GRIA4: variants seen among roughly 807,000 people sequenced by gnomAD.
GRIA4 encodes glutamate receptor 4.
In GRIA4, 34 loss-of-function variants were observed where a neutral mutation model predicts 104.0. The observed-to-expected ratio is 0.33, with a 90% CI of 0.25 to 0.44. GRIA4 has a LOEUF of 0.44. Ranked by LOEUF, GRIA4 falls within the 20% of genes least tolerant of loss-of-function variation. The pLI, the probability that GRIA4 is intolerant of heterozygous loss-of-function variation, is 1.00. For missense variants in GRIA4, 750 were observed against 1,096.5 expected, an observed-to-expected ratio of 0.68 and a Z score of 4.46; for synonymous variants, 386 against 381.9, an observed-to-expected ratio of 1.01 and a Z score of -0.13.
intron 3 of GRIA4, among the ~76,000 whole-genome samples, chr11:105,726,425 C>T (rs1219616915): frequency 2.0e-5 from 3 of 152,120 alleles, no homozygotes; most frequent in East Asian, 3.9e-4. Context: ...TCATCTCCTT[C>T]GCACAGGGCA....
At chr11:105,618,882 G>A (rs972372391) in intron 3 of GRIA4, among the ~76,000 whole-genome samples, 1 of 151,654 alleles carries the variant, frequency 6.6e-6, no homozygotes, top group African/African-American at 2.4e-5. Flanking sequence ...CTGAGGAGAA[G>A]GGGTCACAGA....
At chr11:105,752,768 C>T (rs552483702) in intron 3 of GRIA4, among the ~76,000 whole-genome samples, 38 of 152,266 alleles carry the variant, frequency 2.5e-4, no homozygotes, top group African/African-American at 8.9e-4. Context: ...TTCAGACCAG[C>T]TTCACTCAAT....
At chr11:105,916,689 A>C (rs1947415736) in intron 10 of GRIA4, among the ~76,000 whole-genome samples, 1 of 152,214 alleles carries the variant, frequency 6.6e-6, no homozygotes, top group Non-Finnish European at 1.5e-5. Context: ...AATACTAGCT[A>C]GAGAAACTTG....
chr11:105,794,956 C>A (rs751702161), intron 4 of GRIA4, among the ~76,000 whole-genome samples: 1 of 151,904 alleles, frequency 6.6e-6, no homozygotes, highest in Non-Finnish European at 1.5e-5. Context: ...CTGAGAAGAC[C>A]ATTTTTACTC....
intron 3 of GRIA4, among the ~76,000 whole-genome samples, chr11:105,658,379 C>A (rs923523256): frequency 6.6e-6 from 1 of 151,584 alleles, no homozygotes; most frequent in East Asian, 1.9e-4. Flanking sequence ...TTCAGAATAA[C>A]AGGAACTGAT....
At chr11:105,695,516 G>T (rs61900312) in intron 3 of GRIA4, among the ~76,000 whole-genome samples, 1 of 151,124 alleles carries the variant, frequency 6.6e-6, no homozygotes, top group African/African-American at 2.4e-5. Flanking sequence ...GTGTGTGTGC[G>T]TGCGCGTTTG....
chr11:105,655,325 T>C (rs1951810334), intron 3 of GRIA4, among the ~76,000 whole-genome samples: 1 of 152,132 alleles, frequency 6.6e-6, no homozygotes, highest in Non-Finnish European at 1.5e-5. Context: ...CCTTTTTGTA[T>C]AGTAAGGGAT....
At chr11:105,913,378 C>T in intron 10 of GRIA4, 1 of 484,132 alleles carries the variant, frequency 2.1e-6, no homozygotes, top group Non-Finnish European at 2.7e-6. Flanking sequence ...ATTTATTCTA[C>T]CTGAATATAA....
chr11:105,926,706 GA>G (rs1947718320), intron 12 of GRIA4, 34 bp from the exon 13 acceptor site: 2 of 1,339,520 alleles, frequency 1.5e-6, no homozygotes, highest in Non-Finnish European at 2.1e-6. Context: ...GTTGGTTAAA[GA>G]AAGGAAAATG....
chr11:105,924,899 C>T (rs1252749845), intron 12 of GRIA4, 130 bp downstream of exon 12: 2 of 653,346 alleles, frequency 3.1e-6, no homozygotes, highest in East Asian at 5.3e-5. Context: ...ACTTGCAATT[C>T]CCAAATAGCA....
At chr11:105,773,020 A>G (rs1941283835) in intron 4 of GRIA4, among the ~76,000 whole-genome samples, 1 of 152,202 alleles carries the variant, frequency 6.6e-6, no homozygotes, top group Non-Finnish European at 1.5e-5. Flanking sequence ...AGATGAGGAG[A>G]GAAATGAATA....
In GRIA4 at chr11:105,909,637, T is replaced by C. The variant is rs1171650246; in HGVS notation, c.1159-798T>C. ...ATACTTTTAAAAAGCATTGAGTACA[T>C]TGTCTGCCTCAGAGCAAGCACTCAA... On this transcript the variant is annotated intron_variant, in intron 9 of 16. Transcript: ENST00000282499. Among the ~76,000 whole-genome samples the C allele has an allele frequency of 6.6e-5, 10 of 152,164 alleles. No individual in the cohort carries two copies. In the South Asian group the frequency reaches 1.0e-3, roughly 16 times the overall value.
chr11:105,832,665 T>G (rs1245067810), intron 4 of GRIA4, among the ~76,000 whole-genome samples: 2 of 151,950 alleles, frequency 1.3e-5, no homozygotes, highest in Non-Finnish European at 2.9e-5. Flanking sequence ...ATCAAGTCCT[T>G]GCTTTTCATT....
In GRIA4 at chr11:105,860,618, T is replaced by C. The variant is rs572918994; in HGVS notation, c.488-1406T>C. ...CCAATCTTAGTGTATGGGATATTTA[T>C]AAATTCAAAGAATCTTTTTTTTATT... On this transcript the variant is annotated intron_variant, in intron 4 of 16. Coordinates refer to ENST00000282499, the MANE Select transcript of GRIA4 (RefSeq NM_000829.4). Among the ~76,000 whole-genome samples the C allele has an allele frequency of 8.5e-5, 13 of 152,308 alleles. No homozygotes were observed. In the South Asian group the frequency reaches 1.0e-3, roughly 12 times the overall value.
At chr11:105,822,364 A>G (rs1349231387) in intron 4 of GRIA4, among the ~76,000 whole-genome samples, 1 of 152,000 alleles carries the variant, frequency 6.6e-6, no homozygotes, top group Non-Finnish European at 1.5e-5. Flanking sequence ...CAGAATTATG[A>G]GGGGGGAAAA....
At chr11:105,851,232 A>T (rs1944796622) in intron 4 of GRIA4, among the ~76,000 whole-genome samples, 1 of 152,188 alleles carries the variant, frequency 6.6e-6, no homozygotes, top group Non-Finnish European at 1.5e-5. Context: ...TTGTCATTTA[A>T]TTCAACCTAA....
intron 3 of GRIA4, among the ~76,000 whole-genome samples, chr11:105,661,193 A>G (rs572570247): frequency 1.3e-5 from 2 of 151,788 alleles, no homozygotes; most frequent in African/African-American, 4.8e-5. Flanking sequence ...ATACTATGTT[A>G]GCAGGGTCTG....
chr11:105,969,971 C>G (rs1408315119), intron 14 of GRIA4, among the ~76,000 whole-genome samples: 3 of 152,072 alleles, frequency 2.0e-5, no homozygotes, highest in Admixed American at 2.0e-4. Context: ...GTAACAATCA[C>G]GTCACAAATG....
chr11:105,956,263 C>T (rs678349), intron 14 of GRIA4, among the ~76,000 whole-genome samples: 84,674 of 151,862 alleles, frequency 0.56, 23,636 homozygotes, highest in South Asian at 0.62. Context: ...CCCCGCTCCC[C>T]CCACCCCACA....
Sources: allele counts gnomAD v4.1 joint callset (sites outside exome capture counted in the v4.1 genomes callset), GRCh38; gene constraint gnomAD v4.1.1; transcripts MANE v1.5; gene names NCBI Gene and HGNC (gene_info 2026-07-23, HGNC 2026-07-21).